The following ADIPOR2 variants were observed in gnomAD, a reference collection of about 807,000 sequenced individuals.
The protein encoded by ADIPOR2 is adiponectin receptor protein 2.
Under a neutral mutation model 40.9 loss-of-function variants are expected in ADIPOR2, and 18 were observed. The observed-to-expected ratio is 0.44, with a 90% confidence interval of 0.30 to 0.65. ADIPOR2 has a LOEUF of 0.65. ADIPOR2 is among the 30% of genes least tolerant of loss of function. The pLI, the probability that ADIPOR2 is intolerant of heterozygous loss-of-function variation, is 0.09. For synonymous variants in ADIPOR2, 165 were observed against 166.4 expected (o/e 0.99, Z 0.06); for missense variants, 283 against 479.2 (o/e 0.59, Z 3.82).
chr12:1,699,776 C>T (rs1261023152), intron 1 of ADIPOR2, among the ~76,000 whole-genome samples: 1 of 152,116 alleles, frequency 6.6e-6, no homozygotes, highest in Non-Finnish European at 1.5e-5. Flanking sequence ...AAATAATTAG[C>T]CTATTTTATA....
chr12:1,720,643 G>A (rs1286611805), intron 1 of ADIPOR2, among the ~76,000 whole-genome samples: 1 of 152,142 alleles, frequency 6.6e-6, no homozygotes, highest in Non-Finnish European at 1.5e-5. Flanking sequence ...AGGAGGCGGA[G>A]CTCAGGTGGT....
intron 1 of ADIPOR2, among the ~76,000 whole-genome samples, chr12:1,694,243 A>G (rs1317944411): frequency 3.3e-5 from 5 of 152,198 alleles, no homozygotes; most frequent in African/African-American, 1.2e-4. Flanking sequence ...AGAAACCCAA[A>G]TTCTTAACAA....
chr12:1,784,081 T>C lies in ADIPOR2; in HGVS notation c.1032+8T>C, dbSNP rs770809304. On this transcript the variant is annotated splice_region_variant and intron_variant, in intron 7 of 7. Coordinates refer to ENST00000357103, the MANE Select transcript of ADIPOR2 (RefSeq NM_024551.3). Reference sequence around the variant, plus strand: ...GGCAAATGTGACATCTGGGTAAGTATGTCGGGGTGACTGAGTGTGTAGGTA... The same window carrying C: ...GGCAAATGTGACATCTGGGTAAGTACGTCGGGGTGACTGAGTGTGTAGGTA... 2.3e-5 allele frequency: 36 copies of C among 1,570,334 alleles called. No homozygotes were observed. The highest frequency in any genetic ancestry group is 3.5e-5 in the Admixed American group (2 of 56,450).
intron 7 of ADIPOR2, among the ~76,000 whole-genome samples, chr12:1,784,470 C>T (rs574814090): frequency 2.0e-5 from 3 of 152,352 alleles, no homozygotes; most frequent in East Asian, 3.9e-4. Flanking sequence ...AATCTGTGCT[C>T]TTTTTGACAA....
At chr12:1,725,246 C>G (rs1013094652) in intron 1 of ADIPOR2, among the ~76,000 whole-genome samples, 3 of 151,940 alleles carry the variant, frequency 2.0e-5, no homozygotes, top group Non-Finnish European at 4.4e-5. Flanking sequence ...CTCAGTCTCC[C>G]GAGTAGTTGG....
chr12:1,767,579 A>T (rs1862410345), intron 2 of ADIPOR2, among the ~76,000 whole-genome samples: 1 of 152,130 alleles, frequency 6.6e-6, no homozygotes, highest in Non-Finnish European at 1.5e-5. Flanking sequence ...ACACATTTCC[A>T]ATTTCTAAAG....
intron 1 of ADIPOR2, among the ~76,000 whole-genome samples, chr12:1,694,678 G>T (rs113512487): frequency 2.6e-5 from 4 of 152,112 alleles, no homozygotes. Flanking sequence ...CTTCTCATGC[G>T]CTAGTTTCCA....
chr12:1,719,082 T>C (rs2094692999), intron 1 of ADIPOR2, among the ~76,000 whole-genome samples: 2 of 152,284 alleles, frequency 1.3e-5, no homozygotes, highest in Admixed American at 1.3e-4. Flanking sequence ...AGCTACCAAC[T>C]ATATCTTTTT....
At chr12:1,706,634 T>TTTAAA (rs2094663481) in intron 1 of ADIPOR2, among the ~76,000 whole-genome samples, 1 of 152,154 alleles carries the variant, frequency 6.6e-6, no homozygotes, top group Non-Finnish European at 1.5e-5. Flanking sequence ...TGAAATATAC[T>TTTAAA]CATTTTAGGG....
At chr12:1,712,194 A>G (rs1000241415) in intron 1 of ADIPOR2, among the ~76,000 whole-genome samples, 1 of 152,112 alleles carries the variant, frequency 6.6e-6, no homozygotes, top group African/African-American at 2.4e-5. Context: ...TGGGTGGCAT[A>G]AGTCTGGACT....
At chr12:1,766,554 C>G (rs1289844720) in intron 2 of ADIPOR2, among the ~76,000 whole-genome samples, 1 of 152,188 alleles carries the variant, frequency 6.6e-6, no homozygotes, top group Non-Finnish European at 1.5e-5. Context: ...GCCCCTAGGC[C>G]TCTGACCCTA....
At chr12:1,769,010 T>A (rs1266290093) in intron 2 of ADIPOR2, among the ~76,000 whole-genome samples, 1 of 152,200 alleles carries the variant, frequency 6.6e-6, no homozygotes, top group Non-Finnish European at 1.5e-5. Flanking sequence ...GTTGAGGGTG[T>A]GGTAAGGAGT....
chr12:1,711,706 TTGTC>T (rs1357922115), intron 1 of ADIPOR2, among the ~76,000 whole-genome samples: 3 of 151,860 alleles, frequency 2.0e-5, no homozygotes, highest in African/African-American at 7.3e-5. Context: ...GACTCCCTCT[TTGTC>T]TGTCTCTTCC....
intron 1 of ADIPOR2, among the ~76,000 whole-genome samples, chr12:1,739,222 CTT>C (rs1387632029): frequency 4.6e-5 from 7 of 152,198 alleles, no homozygotes; most frequent in African/African-American, 1.7e-4. Flanking sequence ...GCCTTTATGT[CTT>C]TGCGTGTAGT....
At chr12:1,776,143 A>C (rs11615284) in intron 3 of ADIPOR2, among the ~76,000 whole-genome samples, 2,224 of 152,272 alleles carry the variant, frequency 0.015, 20 homozygotes, top group Non-Finnish European at 0.023. Flanking sequence ...AGAGGGACAC[A>C]TCTGTTCTTA....
intron 1 of ADIPOR2, among the ~76,000 whole-genome samples, chr12:1,735,579 C>A (rs1191330902): frequency 6.6e-6 from 1 of 152,124 alleles, no homozygotes; most frequent in Non-Finnish European, 1.5e-5. Context: ...TAATTGAATA[C>A]CCTTTATTTC....
chr12:1,716,149 C>T (rs913521059), intron 1 of ADIPOR2, among the ~76,000 whole-genome samples: 1 of 152,184 alleles, frequency 6.6e-6, no homozygotes, highest in African/African-American at 2.4e-5. Context: ...ACTCCGCACA[C>T]ATAAAGATGA....
intron 6 of ADIPOR2, among the ~76,000 whole-genome samples, chr12:1,782,968 C>CTTTT (rs1862749447): frequency 8.9e-6 from 1 of 112,670 alleles, no homozygotes; most frequent in Non-Finnish European, 1.8e-5. Context: ...CTTTTTCTTT[C>CTTTT]TTTCTTTCTT....
chr12:1,713,400 A>G (rs748160675), intron 1 of ADIPOR2, among the ~76,000 whole-genome samples: 2 of 152,088 alleles, frequency 1.3e-5, no homozygotes, highest in Non-Finnish European at 2.9e-5. Context: ...GCATTTTCTT[A>G]CTAGGCCTTG....
Sources: gnomAD v4.1 joint callset for allele counts (sites outside exome capture counted in the v4.1 genomes callset) on GRCh38, gnomAD v4.1.1 for gene constraint, MANE v1.5 for transcripts, NCBI Gene and HGNC (gene_info 2026-07-23, HGNC 2026-07-21) for gene names.